The following ROBO2 variants were observed in gnomAD, a reference collection of about 807,000 sequenced individuals.
The protein encoded by ROBO2 is roundabout guidance receptor 2, also known as roundabout homolog 2.
ROBO2 carries 53 observed loss-of-function variants against 160.8 expected under a neutral mutation model. The observed-to-expected ratio is 0.33, with a 90% CI of 0.26 to 0.41. ROBO2 has a LOEUF of 0.41. ROBO2 is among the 10% of genes least tolerant of loss of function. The probability of loss-of-function intolerance (pLI) is 1.00; values close to 1 mark genes in which losing one functional copy is unlikely to be tolerated. For synonymous variants in ROBO2, 664 were observed against 611.7 expected (o/e 1.09, Z -1.26); for missense variants, 1,577 against 1,722.4 (o/e 0.92, Z 1.49).
Position 76,365,447 on chromosome 3 carries a change from A to G in ROBO2, c.109+427845A>G, listed in dbSNP as rs961802441. Among the ~76,000 whole-genome samples the G allele has an allele frequency of 2.6e-5, 4 of 152,078 alleles. No homozygotes were observed. In the South Asian group the frequency reaches 8.3e-4, roughly 31 times the overall value. On this transcript the variant is annotated intron_variant, in intron 2 of 26. Transcript: ENST00000487694. ...AATTGAGATTCAATTACCACATCAC[A>G]TGCTTTTCGCTATGCAGAGGCTAAC...
chr3:76,683,463 G>A (rs868077566), intron 2 of ROBO2, among the ~76,000 whole-genome samples: 168 of 117,496 alleles, frequency 1.4e-3, no homozygotes, highest in Non-Finnish European at 1.4e-3. Context: ...AACCCCCACC[G>A]AAAAAAAAAA....
chr3:77,605,878 C>A (rs779239929), intron 20 of ROBO2, among the ~76,000 whole-genome samples: 4 of 152,080 alleles, frequency 2.6e-5, no homozygotes, highest in Admixed American at 6.6e-5. Flanking sequence ...AGCACTCTCT[C>A]TATATATAAA....
At chr3:77,351,783 CACA>C (rs1276596609) in intron 2 of ROBO2, among the ~76,000 whole-genome samples, 1 of 151,996 alleles carries the variant, frequency 6.6e-6, no homozygotes, top group Admixed American at 6.6e-5. Flanking sequence ...GTGGAAAGAG[CACA>C]ACAATATAAT....
chr3:77,548,858 A>T (rs2092804164), intron 7 of ROBO2, among the ~76,000 whole-genome samples: 1 of 151,980 alleles, frequency 6.6e-6, no homozygotes. Context: ...AATGAGAACA[A>T]GAGAGAAGTG....
intron 1 of ROBO2, among the ~76,000 whole-genome samples, chr3:77,091,186 G>A (rs577926358): frequency 1.3e-5 from 2 of 152,236 alleles, no homozygotes; most frequent in East Asian, 1.9e-4. Context: ...AACTCAATGA[G>A]GCAGAGACAT....
intron 2 of ROBO2, chr3:76,435,453 C>T: frequency 1.3e-6 from 1 of 759,130 alleles, no homozygotes; most frequent in Non-Finnish European, 2.4e-6. Flanking sequence ...GGTTCTTTGC[C>T]CTCCCTTCAC....
At position 76,227,399 on chromosome 3, in the gene ROBO2, C is replaced by A. The variant is rs189192181; in HGVS notation, c.109+289797C>A. Among the ~76,000 whole-genome samples, 1,020 of 152,188 alleles carry A rather than the reference C, an allele frequency of 6.7e-3. 6 individuals carry two copies. The highest frequency in any genetic ancestry group is 0.012 in the Non-Finnish European group (822 of 68,008). ...TCTGAGTGGATAAAAATGATTGTCT[C>A]TTTTTAAAAGTATTTGTGATTAATT... On this transcript the variant is annotated intron_variant, in intron 2 of 26. Transcript: ENST00000487694.
chr3:75,934,411 G>A (rs1412458560), intron 1 of ROBO2, among the ~76,000 whole-genome samples: 1 of 152,130 alleles, frequency 6.6e-6, no homozygotes, highest in African/African-American at 2.4e-5. Context: ...AGAAGTCCAT[G>A]GCATGTCTTT....
At chr3:76,818,619 A>G (rs2065881671) in intron 2 of ROBO2, among the ~76,000 whole-genome samples, 1 of 151,994 alleles carries the variant, frequency 6.6e-6, no homozygotes, top group Non-Finnish European at 1.5e-5. Context: ...TAAAATTTTT[A>G]TGGTTTCAGA....
intron 2 of ROBO2, among the ~76,000 whole-genome samples, chr3:76,353,022 A>T (rs114308972): frequency 4.6e-5 from 7 of 151,966 alleles, no homozygotes; most frequent in African/African-American, 1.7e-4. Context: ...CCAAAATACA[A>T]TTCTAACTTA....
chr3:76,158,270 T>G (rs2072486880), intron 2 of ROBO2, among the ~76,000 whole-genome samples: 1 of 152,092 alleles, frequency 6.6e-6, no homozygotes, highest in Admixed American at 6.6e-5. Context: ...TGACTTTCTT[T>G]CTCTCCATCC....
In ROBO2 at chr3:77,635,008, C is replaced by T. The variant is rs1362161271; in HGVS notation, c.3899C>T (p.Pro1300Leu). ...AAGGGAGGGCGGATGGACCAACAACCAGCATTGCCTCATCGAAGGGAAGGA... is the reference window on the plus strand; with the variant it reads ...AAGGGAGGGCGGATGGACCAACAACTAGCATTGCCTCATCGAAGGGAAGGA... Residue 1300 changes from proline to leucine, a missense_variant, in exon 24 of 26, where the codon CCA (proline) becomes CTA (leucine). Physicochemically the swap from Pro to Leu is moderately conservative, Grantham distance 98. Coordinates refer to ENST00000461745, the Ensembl canonical transcript of ROBO2. 1.9e-6 allele frequency: 3 copies of T among 1,614,052 alleles called. No homozygotes were observed. The highest frequency in any genetic ancestry group is 1.6e-4 in the Middle Eastern group (1 of 6,084).
intron 1 of ROBO2, among the ~76,000 whole-genome samples, chr3:77,044,883 T>C (rs533075635): frequency 6.6e-6 from 1 of 152,340 alleles, no homozygotes; most frequent in Admixed American, 6.5e-5. Flanking sequence ...TTGCTGTATT[T>C]CTTAAAGGTT....
intron 2 of ROBO2, among the ~76,000 whole-genome samples, chr3:75,988,360 A>C (rs1178004303): frequency 2.0e-5 from 3 of 152,124 alleles, no homozygotes; most frequent in Non-Finnish European, 4.4e-5. Flanking sequence ...ATTTATGCAG[A>C]GTAAGTAATA....
intron 2 of ROBO2, among the ~76,000 whole-genome samples, chr3:75,984,645 A>G (rs1559805311): frequency 2.0e-5 from 3 of 151,478 alleles, no homozygotes; most frequent in South Asian, 4.1e-4. Flanking sequence ...TCTGCATGCT[A>G]TGTACATGCA....
At chr3:76,283,136 G>GTATATATATATATATATATATATACA (rs547807116) in intron 2 of ROBO2, among the ~76,000 whole-genome samples, 3 of 63,540 alleles carry the variant, frequency 4.7e-5, no homozygotes, top group Non-Finnish European at 6.8e-5. Flanking sequence ...ATATAAAACT[G>GTATATATATATATATATATATATACA]TATATATATA....
chr3:76,262,296 CT>C (rs966903866), intron 2 of ROBO2, among the ~76,000 whole-genome samples: 32 of 148,618 alleles, frequency 2.2e-4, no homozygotes, highest in South Asian at 8.6e-4. Context: ...ACGAGCTTTG[CT>C]TTTTTTTTTC....
At chr3:76,663,083 GAA>G (rs1212541462) in intron 2 of ROBO2, among the ~76,000 whole-genome samples, 2 of 152,118 alleles carry the variant, frequency 1.3e-5, no homozygotes, top group Non-Finnish European at 2.9e-5. Flanking sequence ...TTTGAACCAA[GAA>G]AGTGTATCAG....
chr3:76,868,700 G>C (rs999059093), intron 2 of ROBO2, among the ~76,000 whole-genome samples: 3 of 152,062 alleles, frequency 2.0e-5, no homozygotes. Flanking sequence ...TGAAGGGAAA[G>C]TATCCAGTCT....
Sources: allele counts gnomAD v4.1 joint callset (sites outside exome capture counted in the v4.1 genomes callset), GRCh38; gene constraint gnomAD v4.1.1; transcripts MANE v1.5; gene names NCBI Gene and HGNC (gene_info 2026-07-23, HGNC 2026-07-21).